Variants in DCDC1 observed in about 807,000 individuals in gnomAD.
DCDC1 encodes the protein doublecortin domain-containing protein 1.
In DCDC1, 200 loss-of-function variants were observed where a neutral mutation model predicts 178.3. The observed-to-expected ratio is 1.12, with a 90% confidence interval of 1.00 to 1.26. DCDC1 has a LOEUF of 1.26. DCDC1 is among the 50% of genes most tolerant of loss of function. The pLI, the probability that DCDC1 is intolerant of heterozygous loss-of-function variation, is 0.00. For synonymous variants in DCDC1, 690 were observed against 604.8 expected (o/e 1.14, Z -2.07); for missense variants, 1,983 against 1,749.2 (o/e 1.13, Z -2.38).
intron 20 of DCDC1, among the ~76,000 whole-genome samples, chr11:30,999,875 A>C (rs1423758327): frequency 6.6e-6 from 1 of 152,230 alleles, no homozygotes; most frequent in Non-Finnish European, 1.5e-5. Context: ...ACCATCTCAC[A>C]GCATTGGTAA....
chr11:30,873,004 T>A (rs958743059), intron 38 of DCDC1, among the ~76,000 whole-genome samples: 17 of 150,600 alleles, frequency 1.1e-4, no homozygotes, highest in South Asian at 4.2e-4. Flanking sequence ...TATATATATA[T>A]AAATATATAT....
chr11:31,207,907 AATC>A (rs1192302023), intron 9 of DCDC1, among the ~76,000 whole-genome samples: 4 of 152,190 alleles, frequency 2.6e-5, no homozygotes, highest in African/African-American at 9.7e-5. Flanking sequence ...TTCCCACTTT[AATC>A]ATCAGCAGTA....
At chr11:31,025,093 A>C (rs1189483836) in intron 20 of DCDC1, among the ~76,000 whole-genome samples, 1 of 151,880 alleles carries the variant, frequency 6.6e-6, no homozygotes, top group Non-Finnish European at 1.5e-5. Context: ...TTTCAACTAA[A>C]GTATCTGAGA....
At chr11:31,265,908 C>A (rs1999250) in intron 7 of DCDC1, among the ~76,000 whole-genome samples, 2 of 148,128 alleles carry the variant, frequency 1.4e-5, no homozygotes, top group Admixed American at 6.8e-5. Context: ...TTATTATTAT[C>A]TATTATCTAT....
At chr11:31,094,323 C>T (rs1361623613) in intron 15 of DCDC1, 139 bp from the exon 16 acceptor site, 1 of 613,226 alleles carries the variant, frequency 1.6e-6, no homozygotes, top group Non-Finnish European at 2.9e-6. Context: ...CATTCAATCC[C>T]CTTTAATTCA....
At chr11:31,120,250 C>T (rs1420033802) in intron 11 of DCDC1, among the ~76,000 whole-genome samples, 2 of 152,028 alleles carry the variant, frequency 1.3e-5, no homozygotes, top group Non-Finnish European at 2.9e-5. Flanking sequence ...AAATAGAAAG[C>T]CTAAAAATGT....
At chr11:30,868,991 T>G (rs1941286318) in intron 38 of DCDC1, among the ~76,000 whole-genome samples, 1 of 152,220 alleles carries the variant, frequency 6.6e-6, no homozygotes, top group Non-Finnish European at 1.5e-5. Context: ...CCAGGGAGCA[T>G]GTGGTTCAGA....
chr11:30,884,376 T>A (rs997748776), intron 36 of DCDC1, among the ~76,000 whole-genome samples: 9 of 152,158 alleles, frequency 5.9e-5, no homozygotes, highest in African/African-American at 2.2e-4. Flanking sequence ...TCCTCTCTTT[T>A]TTTTGTTACG....
chr11:30,896,495 G>A (rs891025456), intron 34 of DCDC1, among the ~76,000 whole-genome samples: 5 of 152,146 alleles, frequency 3.3e-5, no homozygotes, highest in South Asian at 4.1e-4. Context: ...CTCCCCATTC[G>A]CTGTCTTATT....
chr11:31,263,988 C>A (rs1178643162), intron 8 of DCDC1, among the ~76,000 whole-genome samples: 1 of 152,314 alleles, frequency 6.6e-6, no homozygotes, highest in East Asian at 1.9e-4. Context: ...GATATCTAAT[C>A]TCTTTTGACA....
intron 9 of DCDC1, among the ~76,000 whole-genome samples, chr11:31,216,590 G>A (rs1973597078): frequency 6.6e-6 from 1 of 152,144 alleles, no homozygotes; most frequent in African/African-American, 2.4e-5. Context: ...TCAAACTAGA[G>A]ATTTTTGTCC....
intron 9 of DCDC1, among the ~76,000 whole-genome samples, chr11:31,138,588 C>T (rs1275741127): frequency 1.3e-5 from 2 of 152,192 alleles, no homozygotes; most frequent in Admixed American, 6.5e-5. Context: ...TCTTTAGCAA[C>T]GGACTTGCCA....
intron 1 of DCDC1, among the ~76,000 whole-genome samples, chr11:31,346,303 T>C (rs1591821481): frequency 6.6e-6 from 1 of 150,772 alleles, no homozygotes; most frequent in East Asian, 2.0e-4. Context: ...CTACTAAAAA[T>C]ACAAAAAAAA....
At chr11:31,032,760 A>C (rs1343582178) in intron 20 of DCDC1, among the ~76,000 whole-genome samples, 1 of 152,186 alleles carries the variant, frequency 6.6e-6, no homozygotes, top group East Asian at 1.9e-4. Flanking sequence ...TTGTGGGGAC[A>C]GTTTTCTTTT....
intron 36 of DCDC1, among the ~76,000 whole-genome samples, chr11:30,890,974 G>A (rs1312642128): frequency 6.6e-6 from 1 of 152,042 alleles, no homozygotes. Context: ...TTGTTGCCTA[G>A]GTTCATTAAA....
chr11:31,361,760 C>T (rs189812871), intron 1 of DCDC1, among the ~76,000 whole-genome samples: 138 of 152,290 alleles, frequency 9.1e-4, no homozygotes, highest in African/African-American at 3.2e-3. Flanking sequence ...GGATTACAGG[C>T]GTGAGCCAGC....
intron 36 of DCDC1, among the ~76,000 whole-genome samples, chr11:30,888,118 G>GA (rs879432091): frequency 6.0e-5 from 8 of 133,584 alleles, no homozygotes; most frequent in African/African-American, 2.0e-4. Flanking sequence ...AAGAAAGAAA[G>GA]AAAGAAAGAA....
intron 2 of DCDC1, among the ~76,000 whole-genome samples, chr11:31,333,931 C>T (rs11031360): frequency 0.39 from 58,862 of 152,020 alleles, 11,809 homozygotes; most frequent in African/African-American, 0.47. Flanking sequence ...GCCTACTTTG[C>T]TAGGTTGGGG....
chr11:30,945,506 C>T (rs561560870), intron 21 of DCDC1, among the ~76,000 whole-genome samples: 1 of 151,694 alleles, frequency 6.6e-6, no homozygotes, highest in South Asian at 2.1e-4. Context: ...CCAATCTGAC[C>T]AACATGGTGA....
Sources: gnomAD v4.1 joint callset for allele counts (sites outside exome capture counted in the v4.1 genomes callset) on GRCh38, gnomAD v4.1.1 for gene constraint, MANE v1.5 for transcripts, NCBI Gene and HGNC (gene_info 2026-07-23, HGNC 2026-07-21) for gene names.